GVQW3: variants seen among roughly 807,000 people sequenced by gnomAD.
The protein encoded by GVQW3 is protein GVQW3.
In GVQW3, 7 loss-of-function variants were observed where a neutral mutation model predicts 12.5. The ratio of observed to expected loss-of-function variants is 0.56; its 90% CI spans 0.32 to 1.05. GVQW3 has a LOEUF of 1.05. Among genes scored for constraint, GVQW3 ranks in the 50% least tolerant of loss-of-function variants. The probability of loss-of-function intolerance (pLI) is 0.04; values close to 1 mark genes in which losing one functional copy is unlikely to be tolerated. For synonymous variants in GVQW3, 71 were observed against 67.2 expected, an observed-to-expected ratio of 1.06 and a Z score of -0.28; for missense variants, 188 against 190.8, an observed-to-expected ratio of 0.99 and a Z score of 0.09.
At chr11:76,401,047 T>C (rs1946984632) in intron 1 of GVQW3, among the ~76,000 whole-genome samples, 1 of 151,148 alleles carries the variant, frequency 6.6e-6, no homozygotes, top group Non-Finnish European at 1.5e-5. Context: ...ATATATTTTT[T>C]CTCTTTTTTG....
At chr11:76,394,616 A>C (rs377474815) in intron 1 of GVQW3, among the ~76,000 whole-genome samples, 1 of 152,140 alleles carries the variant, frequency 6.6e-6, no homozygotes, top group Non-Finnish European at 1.5e-5. Context: ...GTTGCTTCCA[A>C]ATCTTGGCTA....
chr11:76,403,891 A>G lies in GVQW3; in HGVS notation c.*133A>G. The G allele has an allele frequency of 1.4e-6, 1 of 701,150 alleles. No individual in the cohort carries two copies. Among genetic ancestry groups the G allele is most frequent in the Non-Finnish European group, 2.6e-6 (1 of 383,950 alleles). The allele number at this position is 701,150 out of a possible 1,614,324, so 43.4% of individuals were successfully genotyped here. A position where few individuals can be genotyped will look rare whatever the true frequency, so the allele number is the denominator to read the frequency against. ...GTCACAGCTCAAGAAGCGAGAACAAATTTGCCCTTCTATCTTTTTGTTCTA... is the reference window on the plus strand; with the variant it reads ...GTCACAGCTCAAGAAGCGAGAACAAGTTTGCCCTTCTATCTTTTTGTTCTA... On this transcript the variant is annotated 3_prime_UTR_variant, in exon 2 of 2. Coordinates refer to ENST00000529331, the MANE Select transcript of GVQW3 (RefSeq NM_001347885.2).
At chr11:76,400,720 CCT>C (rs1380187159) in intron 1 of GVQW3, among the ~76,000 whole-genome samples, 2 of 151,378 alleles carry the variant, frequency 1.3e-5, no homozygotes, top group Non-Finnish European at 3.0e-5. Context: ...GCACCCGGCC[CCT>C]CTGTTAAATC....
At chr11:76,403,530 C>T in intron 1 of GVQW3, 130 bp from the exon 2 acceptor site, 1 of 403,604 alleles carries the variant, frequency 2.5e-6, no homozygotes, top group Non-Finnish European at 4.4e-6. Context: ...AGTATAGTGG[C>T]ACGATTTTAG....
intron 1 of GVQW3, among the ~76,000 whole-genome samples, chr11:76,384,622 C>T (rs1946813873): frequency 6.6e-6 from 1 of 152,232 alleles, no homozygotes; most frequent in South Asian, 2.1e-4. Context: ...CACGCCGGGT[C>T]AACACCTGTT....
chr11:76,393,627 A>G (rs1256213297), intron 1 of GVQW3, among the ~76,000 whole-genome samples: 1 of 150,840 alleles, frequency 6.6e-6, no homozygotes, highest in Non-Finnish European at 1.5e-5. Flanking sequence ...CAGCCTCACC[A>G]TTGCTGTTCT....
chr11:76,386,928 A>G (rs376869304), intron 1 of GVQW3, among the ~76,000 whole-genome samples: 5 of 152,190 alleles, frequency 3.3e-5, no homozygotes, highest in African/African-American at 1.2e-4. Context: ...TCACTTGGGC[A>G]TAGTCCAGTG....
At chr11:76,401,321 C>T (rs1045657692) in intron 1 of GVQW3, among the ~76,000 whole-genome samples, 19 of 151,840 alleles carry the variant, frequency 1.3e-4, no homozygotes, top group African/African-American at 4.6e-4. Flanking sequence ...TGATTTGTTA[C>T]TTTCTGAGAG....
rs1946770196 is a variant in GVQW3, at chr11:76,381,704, G to A, written c.-125G>A. 2.2e-6 allele frequency: 2 copies of A among 897,132 alleles called. No individual in the cohort carries two copies. The highest frequency in any genetic ancestry group is 3.2e-6 in the Non-Finnish European group (2 of 620,054). 55.6% of individuals were successfully genotyped at this position (897,132 alleles called of 1,614,324 possible). Reference sequence around the variant, plus strand: ...TTCATAAAAGCAATTACTCTTTCCCGGCGAGGCTTCTAGAAGAGCAAGAAG... The same window carrying A: ...TTCATAAAAGCAATTACTCTTTCCCAGCGAGGCTTCTAGAAGAGCAAGAAG... On this transcript the variant is annotated 5_prime_UTR_variant, in exon 1 of 2. Coordinates refer to ENST00000529331, the MANE Select transcript of GVQW3 (RefSeq NM_001347885.2).
chr11:76,391,124 T>A (rs1946888254), intron 1 of GVQW3, among the ~76,000 whole-genome samples: 1 of 152,232 alleles, frequency 6.6e-6, no homozygotes, highest in African/African-American at 2.4e-5. Flanking sequence ...GCTTTCTATC[T>A]CTTGCCAGTT....
chr11:76,414,470 C>G (rs1244935785), exon 2 of GVQW3: 1 of 152,266 alleles, frequency 6.6e-6, no homozygotes, highest in East Asian at 1.9e-4. Context: ...TCGTGATTCT[C>G]TCTTCTCTTT....
intron 1 of GVQW3, chr11:76,392,662 A>G (rs1946904205): frequency 6.6e-6 from 1 of 152,220 alleles, no homozygotes; most frequent in African/African-American, 2.4e-5. Context: ...ATTTACATAC[A>G]ATTTTTAAGG....
intron 1 of GVQW3, among the ~76,000 whole-genome samples, chr11:76,391,194 C>T (rs1453508952): frequency 6.6e-6 from 1 of 152,228 alleles, no homozygotes; most frequent in Non-Finnish European, 1.5e-5. Flanking sequence ...GTGTTTTGTA[C>T]TTCCTATATG....
intron 1 of GVQW3, among the ~76,000 whole-genome samples, chr11:76,384,333 T>A (rs1946809867): frequency 6.6e-6 from 1 of 152,224 alleles, no homozygotes; most frequent in East Asian, 1.9e-4. Context: ...TGTTTTGTTT[T>A]GTTTTTTGAG....
intron 1 of GVQW3, among the ~76,000 whole-genome samples, chr11:76,386,775 A>G (rs1314227747): frequency 6.6e-6 from 1 of 152,210 alleles, no homozygotes; most frequent in Non-Finnish European, 1.5e-5. Flanking sequence ...TTCTGAGGTA[A>G]CCATCATGTA....
chr11:76,382,563 T>C (rs1946788349), intron 1 of GVQW3: 1 of 599,436 alleles, frequency 1.7e-6, no homozygotes, highest in East Asian at 2.8e-5. Flanking sequence ...CTCCTCCCTA[T>C]GTGCCATGGC....
chr11:76,397,284 G>A (rs1590821350), intron 1 of GVQW3, among the ~76,000 whole-genome samples: 1 of 152,148 alleles, frequency 6.6e-6, no homozygotes, highest in East Asian at 1.9e-4. Context: ...TTACAGGCAT[G>A]AGCCACCACA....
downstream of GVQW3, chr11:76,413,004 G>A (rs1947091882): frequency 6.6e-6 from 1 of 152,182 alleles, no homozygotes. Flanking sequence ...CCAGGGACTT[G>A]TATTTTCTCA....
At chr11:76,413,956 A>G (rs1164383156) in exon 2 of GVQW3, 2 of 152,172 alleles carry the variant, frequency 1.3e-5, no homozygotes, top group Non-Finnish European at 2.9e-5. Flanking sequence ...AACATTTTCA[A>G]GGTTTCTGAT....
Sources: allele counts gnomAD v4.1 joint callset (sites outside exome capture counted in the v4.1 genomes callset), GRCh38; gene constraint gnomAD v4.1.1; transcripts MANE v1.5; gene names NCBI Gene and HGNC (gene_info 2026-07-23, HGNC 2026-07-21).